Variants in CCAR1 observed in about 807,000 individuals in gnomAD.
The protein encoded by CCAR1 is cell division cycle and apoptosis regulator 1.
CCAR1 carries 78 observed loss-of-function variants against 163.8 expected under a neutral mutation model. That is an observed-to-expected ratio of 0.48 (90% CI 0.40 to 0.57). CCAR1 has a LOEUF of 0.57. CCAR1 is among the 20% of genes least tolerant of loss of function. The probability of loss-of-function intolerance (pLI) is 0.00; values close to 1 mark genes in which losing one functional copy is unlikely to be tolerated. For missense variants in CCAR1, 1,019 were observed against 1,365.2 expected (o/e 0.75, Z 4.00); for synonymous variants, 443 against 460.7 (o/e 0.96, Z 0.49).
chr10:68,728,518 TAAG>T (rs2055982699), intron 2 of CCAR1, among the ~76,000 whole-genome samples: 2 of 152,210 alleles, frequency 1.3e-5, no homozygotes, highest in African/African-American at 4.8e-5. Flanking sequence ...TGAATTGTAG[TAAG>T]AAGAGGCTAT....
chr10:68,736,425 T>G lies in CCAR1; in HGVS notation c.74-451T>G, dbSNP rs150448382. On this transcript the variant is annotated intron_variant, in intron 2 of 24. Coordinates refer to ENST00000265872, the MANE Select transcript of CCAR1 (RefSeq NM_018237.4). ...GTTATTAACTGTAGTCAACGTGATG[T>G]ACAATGGGTATCTTGAACATTCCTC... 5.5e-4 allele frequency among the ~76,000 whole-genome samples: 84 copies of G among 152,290 alleles called. 2 individuals are homozygous for G. The East Asian group carries it at 0.014, about 26-fold the overall frequency.
At chr10:68,760,809 A>T in intron 15 of CCAR1, 198 bp from the exon 16 acceptor site, 1 of 331,084 alleles carries the variant, frequency 3.0e-6, no homozygotes, top group Non-Finnish European at 5.5e-6. Flanking sequence ...GCTTGTGGTA[A>T]GCCGAGATCA....
At chr10:68,765,032 A>T (rs1223898901) in intron 16 of CCAR1, among the ~76,000 whole-genome samples, 1 of 152,218 alleles carries the variant, frequency 6.6e-6, no homozygotes, top group Non-Finnish European at 1.5e-5. Flanking sequence ...GCTTTTCTAA[A>T]TTCATAGAGT....
At position 68,756,238 on chromosome 10, in the gene CCAR1, AT is replaced by A. The variant is rs1235164543; in HGVS notation, c.1626-27del. 12 of 1,557,498 alleles carry A rather than the reference AT, an allele frequency of 7.7e-6. No homozygotes were observed. The highest frequency in any genetic ancestry group is 3.5e-5 in the Admixed American group (2 of 57,128). On this transcript the variant is annotated intron_variant, in intron 13 of 24. Coordinates refer to ENST00000265872, the MANE Select transcript of CCAR1 (RefSeq NM_018237.4). The surrounding 1 kb of genome is among the most constrained non-coding windows in gnomAD (Gnocchi z 5.1). ...TAGGGTCTTTAAAATGTATTTTAGA[AT>A]TTTTTTTCCAACATGCTTCTTCCCT...
In CCAR1 at chr10:68,744,314, A is replaced by T. The variant is rs904093416; in HGVS notation, c.518+1745A>T. Among the ~76,000 whole-genome samples, 3 of 152,334 alleles carry T rather than the reference A, an allele frequency of 2.0e-5. No homozygotes were observed. The East Asian group carries it at 5.8e-4, about 29-fold the overall frequency. On this transcript the variant is annotated intron_variant, in intron 6 of 24. Coordinates refer to ENST00000265872, the MANE Select transcript of CCAR1 (RefSeq NM_018237.4). ...TAATCTTTGTTTGACGTGTCTAATG[A>T]CGTAGCATAGATTTTAAAATTGTTT...
intron 12 of CCAR1, 82 bp downstream of exon 12, chr10:68,754,909 A>G (rs1295614136): frequency 3.8e-5 from 28 of 743,446 alleles, no homozygotes; most frequent in Non-Finnish European, 6.2e-5. Context: ...CTAAAGCCCT[A>G]CATTTTAATA....
intron 21 of CCAR1, 169 bp downstream of exon 21, chr10:68,786,861 G>T (rs1281172954): frequency 1.9e-6 from 1 of 514,078 alleles, no homozygotes; most frequent in African/African-American, 2.0e-5. Flanking sequence ...GAGGCGGGCA[G>T]ATCAGTTGAG....
chr10:68,753,440 CAAA>C (rs1385017798), intron 10 of CCAR1, among the ~76,000 whole-genome samples: 2 of 152,096 alleles, frequency 1.3e-5, no homozygotes, highest in Non-Finnish European at 2.9e-5. Context: ...TTTCTACACT[CAAA>C]AACCTGATTG....
At chr10:68,784,404 G>A (rs921985170) in intron 19 of CCAR1, among the ~76,000 whole-genome samples, 1 of 151,942 alleles carries the variant, frequency 6.6e-6, no homozygotes, top group Non-Finnish European at 1.5e-5. Context: ...TTAGAGATGG[G>A]GTTTCACCAT....
intron 19 of CCAR1, among the ~76,000 whole-genome samples, chr10:68,776,878 C>T (rs1245269959): frequency 6.6e-6 from 1 of 152,142 alleles, no homozygotes; most frequent in Non-Finnish European, 1.5e-5. Context: ...CTCTCCCAGT[C>T]TCTCATATTG....
rs1045362289 is a variant in CCAR1, at chr10:68,787,927, G to A, written c.2881G>A (p.Val961Ile). 1.0e-5 allele frequency: 16 copies of A among 1,602,572 alleles called. No individual in the cohort carries two copies. The highest frequency in any genetic ancestry group is 1.3e-5 in the Non-Finnish European group (15 of 1,176,816). Residue 961 changes from valine to isoleucine, a missense_variant and splice_region_variant, in exon 22 of 25, where the codon GTA becomes ATA. Coordinates refer to ENST00000265872, the MANE Select transcript of CCAR1 (RefSeq NM_018237.4). ...TLGLHLSRAQ[V>I]KKLLNKVVLR... ...TTTTGTTTACTTGCATGCATAACAG[G>A]TAAAGAAGCTTCTTAATAAAGTAGT...
intron 4 of CCAR1, among the ~76,000 whole-genome samples, chr10:68,738,572 A>G (rs932128637): frequency 3.9e-5 from 6 of 152,160 alleles, no homozygotes; most frequent in African/African-American, 1.4e-4. Context: ...ATTGAAGCCT[A>G]AACCTTATAG....
At chr10:68,726,481 C>T (rs948474629) in intron 2 of CCAR1, among the ~76,000 whole-genome samples, 17 of 152,046 alleles carry the variant, frequency 1.1e-4, no homozygotes, top group African/African-American at 3.6e-4. Flanking sequence ...GTATCCTAAT[C>T]CACAGTGCTT....
At chr10:68,791,140 C>A (rs1248470213) in intron 24 of CCAR1, 67 bp from the exon 25 acceptor site, 3 of 957,930 alleles carry the variant, frequency 3.1e-6, no homozygotes, top group African/African-American at 3.4e-5. Flanking sequence ...CCATTGTACT[C>A]TAAAATCAAA....
At chr10:68,754,659 A>AT in intron 11 of CCAR1, 55 bp from the exon 12 acceptor site, 4 of 887,676 alleles carry the variant, frequency 4.5e-6, no homozygotes, top group Non-Finnish European at 7.3e-6. Flanking sequence ...AGTGCTTCTC[A>AT]TTTTTTCACA....
rs2056399556 is a variant in CCAR1, at chr10:68,756,603, A to T, written c.1836+120A>T. 5.0e-6 allele frequency: 4 copies of T among 807,716 alleles called. No homozygotes were observed. Among genetic ancestry groups the T allele is most frequent in the Admixed American group, 2.0e-5 (1 of 50,016 alleles). The allele number at this position is 807,716 out of a possible 1,614,324, so 50.0% of individuals were successfully genotyped here. On this transcript the variant is annotated intron_variant, in intron 14 of 24. Coordinates refer to ENST00000265872, the MANE Select transcript of CCAR1 (RefSeq NM_018237.4). The surrounding 1 kb of genome is among the most constrained non-coding windows in gnomAD (Gnocchi z 5.1). ...TGGAGGAACATAACTGGTAACAGCG[A>T]CTGGTAATCCAGCTTTCAGCAGTAT...
intron 2 of CCAR1, among the ~76,000 whole-genome samples, chr10:68,733,152 A>G (rs1268427595): frequency 3.3e-5 from 5 of 152,226 alleles, no homozygotes; most frequent in East Asian, 3.9e-4. Context: ...GCTCATACCT[A>G]TAATCCCAGC....
chr10:68,762,108 TCACG>T (rs2056479328), intron 16 of CCAR1, among the ~76,000 whole-genome samples: 1 of 151,646 alleles, frequency 6.6e-6, no homozygotes, highest in Non-Finnish European at 1.5e-5. Flanking sequence ...GGTGGGCGGA[TCACG>T]AGGTCAGGAG....
chr10:68,735,589 A>G (rs1157754098), intron 2 of CCAR1: 1 of 151,962 alleles, frequency 6.6e-6, no homozygotes, highest in Non-Finnish European at 1.5e-5. Flanking sequence ...AAATCTTTGT[A>G]GAGATGAGAT....
Sources: allele counts gnomAD v4.1 joint callset (sites outside exome capture counted in the v4.1 genomes callset), GRCh38; gene constraint gnomAD v4.1.1; non-coding constraint Gnocchi (gnomAD v3.1); transcripts MANE v1.5; gene names NCBI Gene and HGNC (gene_info 2026-07-23, HGNC 2026-07-21).